The following PARD3B variants were observed in gnomAD, a reference collection of about 807,000 sequenced individuals.
The protein encoded by PARD3B is par-3 family cell polarity regulator beta.
PARD3B carries 103 observed loss-of-function variants against 130.2 expected under a neutral mutation model. That is an observed-to-expected ratio of 0.79 (90% CI 0.67 to 0.93). The LOEUF is 0.93. PARD3B is among the 40% of genes least tolerant of loss of function. The probability of loss-of-function intolerance (pLI) is 0.00; values close to 1 mark genes in which losing one functional copy is unlikely to be tolerated. For missense variants in PARD3B, 1,609 were observed against 1,499.2 expected (o/e 1.07, Z -1.21); for synonymous variants, 583 against 553.2 (o/e 1.05, Z -0.76).
intron 2 of PARD3B, among the ~76,000 whole-genome samples, chr2:204,880,987 A>T (rs1242641049): frequency 6.6e-6 from 1 of 152,224 alleles, no homozygotes; most frequent in Admixed American, 6.5e-5. Flanking sequence ...CATGGAAACA[A>T]GATCACTAGA....
chr2:205,150,252 T>TGTGTGTGCGCGCGC (rs375301293), intron 10 of PARD3B, among the ~76,000 whole-genome samples: 7 of 145,886 alleles, frequency 4.8e-5, no homozygotes, highest in African/African-American at 1.8e-4. Flanking sequence ...TGTGTGTGTG[T>TGTGTGTGCGCGCGC]GCACACACGC....
chr2:204,765,671 T>C (rs1297336857), intron 2 of PARD3B, among the ~76,000 whole-genome samples: 7 of 152,190 alleles, frequency 4.6e-5, no homozygotes, highest in East Asian at 1.9e-4. Context: ...CTGAAAGAAG[T>C]ACCATTTAAT....
intron 21 of PARD3B, among the ~76,000 whole-genome samples, chr2:205,527,987 G>C (rs934432320): frequency 2.0e-5 from 3 of 152,114 alleles, no homozygotes; most frequent in Non-Finnish European, 2.9e-5. Flanking sequence ...AGTTACTCAT[G>C]GTCCATCATG....
intron 20 of PARD3B, among the ~76,000 whole-genome samples, chr2:205,490,011 T>C (rs915601464): frequency 1.3e-5 from 2 of 152,188 alleles, no homozygotes; most frequent in Non-Finnish European, 2.9e-5. Flanking sequence ...GTTGCCTTCG[T>C]GAATCAATGG....
In PARD3B at chr2:205,291,342, T is replaced by C. The variant is rs1402627652; in HGVS notation, c.2186-9188T>C. ...TCGATCTCTGAGTCTTCTTAGATGA[T>C]ACCCACATAATCTTGAATAGAACGT... On this transcript the variant is annotated intron_variant, in intron 16 of 22. Coordinates refer to ENST00000406610, the MANE Select transcript of PARD3B (RefSeq NM_001302769.2). This position sits in a 1 kb window ranked among gnomAD's most constrained non-coding sequence, Gnocchi z 4.6. 1.3e-5 allele frequency among the ~76,000 whole-genome samples: 2 copies of C among 152,220 alleles called. No individual in the cohort carries two copies. Among genetic ancestry groups the C allele is most frequent in the Admixed American group, 6.5e-5 (1 of 15,286 alleles).
chr2:204,583,980 T>C (rs1356082700), intron 1 of PARD3B, among the ~76,000 whole-genome samples: 1 of 152,228 alleles, frequency 6.6e-6, no homozygotes, highest in Non-Finnish European at 1.5e-5. Flanking sequence ...ACTGGTAGGC[T>C]GGGCTGGGAG....
In PARD3B at chr2:205,265,139, G is replaced by C. The variant is rs565394017; in HGVS notation, c.2185+19317G>C. Among the ~76,000 whole-genome samples the C allele has an allele frequency of 4.7e-4, 71 of 152,096 alleles. 1 individual carries two copies. The highest frequency in any genetic ancestry group is 1.7e-3 in the African/African-American group (70 of 41,528). Reference sequence around the variant, plus strand: ...ATACTTCATTTTTTAGGCAAGAATGGTAATCGGTTCTGTTCTATTAGCCTC... The same window carrying C: ...ATACTTCATTTTTTAGGCAAGAATGCTAATCGGTTCTGTTCTATTAGCCTC... On this transcript the variant is annotated intron_variant, in intron 16 of 22. Transcript: ENST00000406610. The surrounding 1 kb of genome is among the most constrained non-coding windows in gnomAD (Gnocchi z 4.3).
intron 1 of PARD3B, among the ~76,000 whole-genome samples, chr2:204,556,542 G>A (rs1336015420): frequency 6.6e-6 from 1 of 152,108 alleles, no homozygotes; most frequent in African/African-American, 2.4e-5. Context: ...AATTTTCCAC[G>A]AGAAAAGTGA....
intron 18 of PARD3B, among the ~76,000 whole-genome samples, chr2:205,304,310 C>A (rs1362713092): frequency 1.3e-5 from 2 of 152,064 alleles, no homozygotes; most frequent in African/African-American, 4.8e-5. Flanking sequence ...CCCCAGCAGG[C>A]CTGATGTCAT....
chr2:205,377,705 C>T (rs1483524148), intron 18 of PARD3B, among the ~76,000 whole-genome samples: 1 of 151,578 alleles, frequency 6.6e-6, no homozygotes, highest in African/African-American at 2.4e-5. Context: ...GCACACAGAA[C>T]ATCAGGTCCC....
At chr2:204,755,676 G>T (rs960965883) in intron 2 of PARD3B, among the ~76,000 whole-genome samples, 2 of 152,092 alleles carry the variant, frequency 1.3e-5, no homozygotes, top group Non-Finnish European at 2.9e-5. Flanking sequence ...TTAATTACAT[G>T]CATTCATTCA....
At chr2:204,909,716 G>A (rs1374239793) in intron 2 of PARD3B, among the ~76,000 whole-genome samples, 1 of 152,112 alleles carries the variant, frequency 6.6e-6, no homozygotes, top group Admixed American at 6.5e-5. Context: ...TTGATGAGTG[G>A]AGCACAGAGT....
chr2:205,425,696 C>T (rs919422378), intron 19 of PARD3B, among the ~76,000 whole-genome samples: 2 of 152,098 alleles, frequency 1.3e-5, no homozygotes, highest in Non-Finnish European at 2.9e-5. Flanking sequence ...TTAGGATGTT[C>T]TGAGTCCACG....
intron 1 of PARD3B, among the ~76,000 whole-genome samples, chr2:204,570,849 G>T (rs1463304721): frequency 6.7e-6 from 1 of 149,414 alleles, no homozygotes. Context: ...TGCAACTGAG[G>T]TGTATAAGCT....
intron 1 of PARD3B, among the ~76,000 whole-genome samples, chr2:204,599,978 A>G (rs372841335): frequency 2.0e-5 from 3 of 151,482 alleles, no homozygotes; most frequent in East Asian, 3.9e-4. Context: ...TTGGCCATTT[A>G]TATGTGTTCT....
rs1198107757 is a variant in PARD3B, at chr2:205,282,116, A to G, written c.2186-18414A>G. ...ATAAGCAAAGAATGATCATTTCACC[A>G]TAGGAGAAAAATCCAAGATATAAAA... On this transcript the variant is annotated intron_variant, in intron 16 of 22. Coordinates refer to ENST00000406610, the MANE Select transcript of PARD3B (RefSeq NM_001302769.2). Among the ~76,000 whole-genome samples, 4 of 152,230 alleles carry G rather than the reference A, an allele frequency of 2.6e-5. No individual in the cohort carries two copies. The East Asian group carries it at 7.7e-4, about 29-fold the overall frequency.
chr2:204,858,527 TA>T (rs2045050795), intron 2 of PARD3B, among the ~76,000 whole-genome samples: 1 of 145,190 alleles, frequency 6.9e-6, no homozygotes, highest in Non-Finnish European at 1.5e-5. Context: ...GAAAATGAAA[TA>T]TATAGAGAGG....
intron 2 of PARD3B, among the ~76,000 whole-genome samples, chr2:204,831,156 G>C (rs947396899): frequency 6.6e-6 from 1 of 151,998 alleles, no homozygotes; most frequent in African/African-American, 2.4e-5. Context: ...TAGATACTAT[G>C]TTATTTAAAT....
In PARD3B at chr2:205,209,644, A is replaced by T. The variant is rs182164802; in HGVS notation, c.2140+16324A>T. On this transcript the variant is annotated intron_variant, in intron 15 of 22. Transcript: ENST00000406610. ...TATGATATAAATATAGGTTAAATGA[A>T]GTTTAGCAGTTTCATAATTATCCCT... Among the ~76,000 whole-genome samples the T allele has an allele frequency of 8.0e-3, 1,218 of 151,806 alleles. 17 individuals are homozygous for T. The highest frequency in any genetic ancestry group is 0.014 in the Middle Eastern group (4 of 290).
Sources: gnomAD v4.1 joint callset for allele counts (sites outside exome capture counted in the v4.1 genomes callset) on GRCh38, gnomAD v4.1.1 for gene constraint, Gnocchi (gnomAD v3.1) non-coding constraint, MANE v1.5 for transcripts, NCBI Gene and HGNC (gene_info 2026-07-23, HGNC 2026-07-21) for gene names.